IGSF21: variants seen among roughly 807,000 people sequenced by gnomAD.
IGSF21 encodes immunoglobin superfamily member 21, also known as immunoglobulin superfamily member 21.
Under a neutral mutation model 46.8 loss-of-function variants are expected in IGSF21, and 28 were observed. That is an observed-to-expected ratio of 0.60 (90% CI 0.44 to 0.82). The LOEUF is 0.82. IGSF21 is among the 40% of genes least tolerant of loss of function. The pLI is 0.00. For missense variants in IGSF21, 624 were observed against 665.5 expected (o/e 0.94, Z 0.69); for synonymous variants, 284 against 273.6 (o/e 1.04, Z -0.38).
chr1:18,352,372 G>T (rs773358360), intron 4 of IGSF21, among the ~76,000 whole-genome samples: 5 of 152,160 alleles, frequency 3.3e-5, no homozygotes, highest in Non-Finnish European at 5.9e-5. Flanking sequence ...TAGAATCTCA[G>T]GACTTGTTAA....
At chr1:18,205,185 G>A (rs540971138) in intron 1 of IGSF21, among the ~76,000 whole-genome samples, 2 of 151,894 alleles carry the variant, frequency 1.3e-5, no homozygotes, top group South Asian at 4.2e-4. Flanking sequence ...GGAGAGAGGA[G>A]GAGAGAGAGA....
intron 1 of IGSF21, among the ~76,000 whole-genome samples, chr1:18,123,369 T>C (rs898960761): frequency 2.6e-5 from 4 of 152,224 alleles, no homozygotes; most frequent in Non-Finnish European, 4.4e-5. Flanking sequence ...CAGAGCCTTA[T>C]TCCAGCTCCA....
At chr1:18,295,506 G>A (rs1407500282) in intron 3 of IGSF21, among the ~76,000 whole-genome samples, 1 of 152,196 alleles carries the variant, frequency 6.6e-6, no homozygotes, top group Non-Finnish European at 1.5e-5. Context: ...TAATGAAGGG[G>A]CAAGTGGGGT....
At chr1:18,130,866 C>A (rs537113828) in intron 1 of IGSF21, among the ~76,000 whole-genome samples, 1 of 152,244 alleles carries the variant, frequency 6.6e-6, no homozygotes, top group African/African-American at 2.4e-5. Context: ...TGTCCATGTC[C>A]GGCTGTCCCT....
chr1:18,254,561 CT>C (rs1326363183), intron 2 of IGSF21, among the ~76,000 whole-genome samples: 1 of 152,164 alleles, frequency 6.6e-6, no homozygotes, highest in Non-Finnish European at 1.5e-5. Flanking sequence ...CCTGGTCCCT[CT>C]TGTCAGCTGT....
intron 3 of IGSF21, among the ~76,000 whole-genome samples, chr1:18,301,234 C>T (rs555533773): frequency 5.9e-5 from 9 of 152,236 alleles, no homozygotes; most frequent in Non-Finnish European, 1.0e-4. Flanking sequence ...AGCTGTGGCA[C>T]TCCATGGGCC....
At chr1:18,320,192 G>T (rs2085586950) in intron 3 of IGSF21, among the ~76,000 whole-genome samples, 1 of 152,290 alleles carries the variant, frequency 6.6e-6, no homozygotes, top group African/African-American at 2.4e-5. Context: ...ATCGGATCTT[G>T]GTGCCAGCAG....
chr1:18,277,176 A>G (rs905050994), intron 2 of IGSF21, among the ~76,000 whole-genome samples: 1 of 152,176 alleles, frequency 6.6e-6, no homozygotes, highest in Non-Finnish European at 1.5e-5. Flanking sequence ...ATCGTGCAGG[A>G]CAAAGGCTGG....
intron 2 of IGSF21, among the ~76,000 whole-genome samples, chr1:18,236,344 C>T (rs2084672435): frequency 6.6e-6 from 1 of 152,208 alleles, no homozygotes; most frequent in South Asian, 2.1e-4. Flanking sequence ...TTGCCTTCCA[C>T]CATGACTGTG....
At chr1:18,291,510 G>A (rs1195667515) in intron 2 of IGSF21, among the ~76,000 whole-genome samples, 1 of 152,188 alleles carries the variant, frequency 6.6e-6, no homozygotes, top group East Asian at 1.9e-4. Flanking sequence ...GACCCTCCAT[G>A]ATCTGGCCCA....
chr1:18,136,130 T>C (rs966954979), intron 1 of IGSF21, among the ~76,000 whole-genome samples: 9 of 152,254 alleles, frequency 5.9e-5, no homozygotes, highest in Non-Finnish European at 1.0e-4. Flanking sequence ...GTAAATTTGT[T>C]TGAGCTCATT....
chr1:18,210,719 C>T (rs1055488786), intron 1 of IGSF21, among the ~76,000 whole-genome samples: 4 of 152,090 alleles, frequency 2.6e-5, no homozygotes, highest in Non-Finnish European at 4.4e-5. Context: ...GCAGCATCAC[C>T]GGTTCCTGCA....
At chr1:18,321,354 G>A (rs1478263852) in intron 3 of IGSF21, among the ~76,000 whole-genome samples, 2 of 152,146 alleles carry the variant, frequency 1.3e-5, no homozygotes, top group African/African-American at 2.4e-5. Context: ...GTTTGTTTCT[G>A]TTCTGCCACT....
At chr1:18,136,608 A>G (rs1416099952) in intron 1 of IGSF21, among the ~76,000 whole-genome samples, 1 of 152,106 alleles carries the variant, frequency 6.6e-6, no homozygotes, top group Non-Finnish European at 1.5e-5. Context: ...GTTCTGTTCC[A>G]TTGGTCTATA....
intron 2 of IGSF21, among the ~76,000 whole-genome samples, chr1:18,245,599 G>A (rs1257958648): frequency 6.6e-6 from 1 of 152,120 alleles, no homozygotes; most frequent in Non-Finnish European, 1.5e-5. Flanking sequence ...TCTCTGAGTT[G>A]TCTAGGCATC....
chr1:18,364,018 A>G (rs577662545), intron 5 of IGSF21, among the ~76,000 whole-genome samples: 2 of 152,278 alleles, frequency 1.3e-5, no homozygotes, highest in East Asian at 3.9e-4. Context: ...TTTCTCACAG[A>G]GAAAAAGTCC....
chr1:18,238,353 T>C (rs954199765), intron 2 of IGSF21, among the ~76,000 whole-genome samples: 2 of 152,078 alleles, frequency 1.3e-5, no homozygotes, highest in Admixed American at 1.3e-4. Flanking sequence ...AGAGCTGCTG[T>C]GTGATTGGGA....
chr1:18,314,716 G>A (rs553554711), intron 3 of IGSF21, among the ~76,000 whole-genome samples: 19 of 152,296 alleles, frequency 1.2e-4, no homozygotes, highest in Non-Finnish European at 2.2e-4. Context: ...TCATCACTGT[G>A]CTACCCTACC....
intron 2 of IGSF21, among the ~76,000 whole-genome samples, chr1:18,268,597 G>A (rs1473741114): frequency 6.6e-6 from 1 of 152,240 alleles, no homozygotes; most frequent in African/African-American, 2.4e-5. Flanking sequence ...ACCTGCAGCT[G>A]TGGTTTGCCT....
Sources: gnomAD v4.1 joint callset for allele counts (sites outside exome capture counted in the v4.1 genomes callset) on GRCh38, gnomAD v4.1.1 for gene constraint, MANE v1.5 for transcripts, NCBI Gene and HGNC (gene_info 2026-07-23, HGNC 2026-07-21) for gene names.